MED13: variants seen among roughly 807,000 people sequenced by gnomAD.
The protein encoded by MED13 is mediator complex subunit 13.
A neutral mutation model predicts 225.2 loss-of-function variants in MED13; 23 were observed. That is an observed-to-expected ratio of 0.10 (90% CI 0.07 to 0.14). The LOEUF (loss-of-function observed/expected upper bound fraction) is 0.14, where lower values mean the gene tolerates loss of function less well. Ranked by LOEUF, MED13 falls within the 10% of genes least tolerant of loss-of-function variation. The probability of loss-of-function intolerance (pLI) is 1.00; values close to 1 mark genes in which losing one functional copy is unlikely to be tolerated. For synonymous variants in MED13, 942 were observed against 889.2 expected, an observed-to-expected ratio of 1.06 and a Z score of -1.06; for missense variants, 2,197 against 2,594.5, an observed-to-expected ratio of 0.85 and a Z score of 3.33.
intron 2 of MED13, among the ~76,000 whole-genome samples, chr17:62,059,456 C>A (rs1213334654): frequency 6.6e-6 from 1 of 152,206 alleles, no homozygotes; most frequent in Non-Finnish European, 1.5e-5. Context: ...CTGAACCAAA[C>A]AGAAGGACAC....
chr17:61,985,141 T>A (rs1191167289), intron 12 of MED13, 51 bp from the exon 13 acceptor site: 6 of 1,424,268 alleles, frequency 4.2e-6, no homozygotes, highest in Admixed American at 3.5e-5. Flanking sequence ...CAATGTGATC[T>A]CAAAATAGTA....
intron 27 of MED13, among the ~76,000 whole-genome samples, chr17:61,951,305 A>C (rs2079894357): frequency 6.6e-6 from 1 of 152,244 alleles, no homozygotes; most frequent in African/African-American, 2.4e-5. Flanking sequence ...ATTTTCAATG[A>C]CATCTTTAAC....
At chr17:61,984,927 C>G (rs2080234868) in intron 13 of MED13, 62 bp from the exon 14 acceptor site, 1 of 1,592,602 alleles carries the variant, frequency 6.3e-7, no homozygotes, top group African/African-American at 1.4e-5. Context: ...GTGTTTAAAC[C>G]AAAAGGAGTG....
rs2079910166 is a variant in MED13, at chr17:61,953,002, G to C, written c.6080C>G (p.Pro2027Arg). The change falls in exon 27 of 30, where the codon CCA becomes CGA. Residue 2027 changes from proline to arginine, a missense_variant. Physicochemically the swap from Pro to Arg is moderately radical, Grantham distance 103. This residue lies in a region of MED13 where 216 missense variants were observed against 388.9 expected (regional missense o/e 0.56). Transcript: ENST00000397786. Reference sequence around the variant, plus strand: ...ACCTCCATGGGGGTAATGAGATCCTGGAGAATGTACAGGAGAACCAGTTGG... The same window carrying C: ...ACCTCCATGGGGGTAATGAGATCCTCGAGAATGTACAGGAGAACCAGTTGG... ...ASPTGSPVHS[P>R]GSHYPHGGDA... is the part of the protein sequence containing the mutation. 1 of 1,613,912 alleles carries C rather than the reference G, an allele frequency of 6.2e-7. No homozygotes were observed.
At chr17:61,993,518 A>G (rs2080320684) in intron 10 of MED13, among the ~76,000 whole-genome samples, 1 of 151,816 alleles carries the variant, frequency 6.6e-6, no homozygotes, top group Non-Finnish European at 1.5e-5. Context: ...CGTTCTTTCT[A>G]TTATACCTGC....
At chr17:62,018,018 C>CA (rs2080600056) in intron 8 of MED13, among the ~76,000 whole-genome samples, 1 of 152,082 alleles carries the variant, frequency 6.6e-6, no homozygotes, top group Non-Finnish European at 1.5e-5. Context: ...ATTAGGTTAT[C>CA]AAACATGAAC....
intron 5 of MED13, among the ~76,000 whole-genome samples, chr17:62,031,941 G>A (rs557738277): frequency 2.0e-5 from 3 of 151,792 alleles, no homozygotes; most frequent in African/African-American, 7.2e-5. Context: ...ATCTTTATGT[G>A]CACTTCTGAC....
chr17:62,007,641 G>T (rs1375179853), intron 9 of MED13: 2 of 152,256 alleles, frequency 1.3e-5, no homozygotes, highest in Non-Finnish European at 2.9e-5. Context: ...GAGGTCGGGA[G>T]ATCCAGACCA....
intron 8 of MED13, among the ~76,000 whole-genome samples, chr17:62,015,109 T>A (rs2080550319): frequency 6.6e-6 from 1 of 152,118 alleles, no homozygotes; most frequent in Non-Finnish European, 1.5e-5. Flanking sequence ...TTAGAAAACA[T>A]AACAACCAAA....
chr17:61,984,041 G>T, intron 15 of MED13, 130 bp downstream of exon 15: 1 of 684,266 alleles, frequency 1.5e-6, no homozygotes, highest in Non-Finnish European at 2.2e-6. Flanking sequence ...CACTATAATT[G>T]ATTAACCAGA....
chr17:61,992,026 T>C (rs955742885), intron 11 of MED13, among the ~76,000 whole-genome samples: 1 of 152,224 alleles, frequency 6.6e-6, no homozygotes, highest in African/African-American at 2.4e-5. Context: ...CCCATTGCTA[T>C]AGGCTTGAAA....
Position 62,065,156 on chromosome 17 carries a change from C to G in MED13, c.50G>C (p.Cys17Ser). 6.3e-7 allele frequency: 1 copy of G among 1,581,096 alleles called. No individual in the cohort carries two copies. Among genetic ancestry groups the G allele is most frequent in the East Asian group, 2.4e-5 (1 of 41,826 alleles). Residue 17 changes from cysteine to serine, a missense_variant, in exon 1 of 30, where the codon TGT becomes TCT. By Grantham distance (112) the Cys-to-Ser change is moderately radical. Around this residue, in one of 12 missense-constraint regions of MED13, gnomAD observed 884 missense variants for 918.5 expected, o/e 0.96. Coordinates refer to ENST00000397786, the MANE Select transcript of MED13 (RefSeq NM_005121.3). ...PNGASLEDCH[C>S]NLFCLADLTG... ...GGCACTCACCAGGCAGAAGAGGTTA[C>G]AGTGACAATCTTCCAGGCTGGCCCC...
chr17:61,952,094 T>C (rs1441920121), intron 27 of MED13, among the ~76,000 whole-genome samples: 1 of 151,964 alleles, frequency 6.6e-6, no homozygotes, highest in Non-Finnish European at 1.5e-5. Flanking sequence ...GGGGTTTCAC[T>C]GTGTTAGCCA....
rs1367374803 is a variant in MED13, at chr17:61,955,471, A to G, written c.5879T>C (p.Ile1960Thr). 3 of 1,604,070 alleles carry G rather than the reference A, an allele frequency of 1.9e-6. No homozygotes were observed. The highest frequency in any genetic ancestry group is 3.3e-4 in the Middle Eastern group (2 of 6,014). The part of the protein sequence containing the change: ...NTPQDTSCTH[I>T]LVFPTSASVQ... ...AGAAGCAGAAGTAGGAAACACAAGT[A>G]TATGAGTACATGATGTATCCTGTGG... The change falls in exon 26 of 30, where the codon ATA becomes ACA. Residue 1960 changes from isoleucine to threonine, a missense_variant. Ile to Thr is a moderately conservative substitution (Grantham distance 89). This residue lies in a region of MED13 where 216 missense variants were observed against 388.9 expected (regional missense o/e 0.56). Coordinates refer to ENST00000397786, the MANE Select transcript of MED13 (RefSeq NM_005121.3).
At chr17:61,976,607 A>G (rs2080158559) in intron 16 of MED13, among the ~76,000 whole-genome samples, 1 of 152,178 alleles carries the variant, frequency 6.6e-6, no homozygotes. Context: ...AGCTTTGTCT[A>G]TCTTCAACAA....
In MED13 at chr17:61,956,476, C is replaced by A; in HGVS notation, c.5486G>T (p.Arg1829Leu). 1.2e-6 allele frequency: 2 copies of A among 1,610,866 alleles called. No individual in the cohort carries two copies. Among genetic ancestry groups the A allele is most frequent in the Non-Finnish European group, 1.7e-6 (2 of 1,178,958 alleles). The change falls in exon 24 of 30, where the codon CGT (arginine) becomes CTT (leucine). Residue 1829 changes from arginine to leucine, a missense_variant. Coordinates refer to ENST00000397786, the MANE Select transcript of MED13 (RefSeq NM_005121.3). Reference sequence around the variant, plus strand: ...TTTTCTAGCAGAACTTTTTTTCCGACGAGCCCTATTGTGTGAATAAAGAGA... The same window carrying A: ...TTTTCTAGCAGAACTTTTTTTCCGAAGAGCCCTATTGTGTGAATAAAGAGA... ...IINIDVPNRARRKKSSARKFG... is the reference protein window; with the variant it reads ...IINIDVPNRALRKKSSARKFG...
chr17:62,000,331 A>G (rs1369042965), intron 9 of MED13, among the ~76,000 whole-genome samples: 1 of 152,152 alleles, frequency 6.6e-6, no homozygotes, highest in Admixed American at 6.5e-5. Flanking sequence ...GTCCTTTTGC[A>G]TTGTATATCT....
chr17:62,031,798 TTTTTTTTTTTCTC>T (rs937170999), intron 5 of MED13, among the ~76,000 whole-genome samples, 160 bp from the exon 6 acceptor site: 26 of 130,818 alleles, frequency 2.0e-4, no homozygotes, highest in Non-Finnish European at 3.1e-4. Flanking sequence ...TTTCTTTTCT[TTTTTTTTTTTCTC>T]TTTTTTAGAA....
intron 16 of MED13, among the ~76,000 whole-genome samples, chr17:61,976,483 T>C (rs971799816): frequency 6.6e-6 from 1 of 152,212 alleles, no homozygotes; most frequent in Non-Finnish European, 1.5e-5. Context: ...ACTGTGTTGA[T>C]GACTGTCCAA....
Sources: allele counts gnomAD v4.1 joint callset (sites outside exome capture counted in the v4.1 genomes callset), GRCh38; gene constraint gnomAD v4.1.1; regional missense constraint gnomAD v4.1.1; transcripts MANE v1.5; gene names NCBI Gene and HGNC (gene_info 2026-07-23, HGNC 2026-07-21).